CAV2: variants seen among roughly 807,000 people sequenced by gnomAD.
CAV2 encodes caveolin-2.
CAV2 carries 7 observed loss-of-function variants against 15.5 expected under a neutral mutation model. The observed-to-expected ratio is 0.45, with a 90% CI of 0.26 to 0.85. The LOEUF is 0.85. CAV2 is among the 40% of genes least tolerant of loss of function. The pLI, the probability that CAV2 is intolerant of heterozygous loss-of-function variation, is 0.18. For synonymous variants in CAV2, 76 were observed against 83.1 expected, an observed-to-expected ratio of 0.91 and a Z score of 0.46; for missense variants, 229 against 208.8, an observed-to-expected ratio of 1.10 and a Z score of -0.60.
chr7:116,503,056 G>A (rs1321153837), intron 2 of CAV2, among the ~76,000 whole-genome samples: 2 of 151,956 alleles, frequency 1.3e-5, no homozygotes, highest in East Asian at 3.8e-4. Context: ...AATGCAGTCT[G>A]CATGACTCTA....
chr7:116,502,889 A>G (rs1347782251), intron 2 of CAV2, among the ~76,000 whole-genome samples: 2 of 152,212 alleles, frequency 1.3e-5, no homozygotes, highest in Admixed American at 6.5e-5. Context: ...AGCACAGGTT[A>G]TTGGTCATAA....
At chr7:116,501,878 G>A (rs1194719814) in intron 2 of CAV2, among the ~76,000 whole-genome samples, 1 of 152,172 alleles carries the variant, frequency 6.6e-6, no homozygotes, top group African/African-American at 2.4e-5. Flanking sequence ...TGAAAATGTT[G>A]CCTTAGTACA....
chr7:116,507,698 AGAAAAAAG>A lies in CAV2; in HGVS notation c.*1578_*1585del, dbSNP rs1274815879. 2 of 136,996 alleles carry A rather than the reference AGAAAAAAG, an allele frequency of 1.5e-5. No individual in the cohort carries two copies. The highest frequency in any genetic ancestry group is 5.3e-5 in the African/African-American group (2 of 37,962). 8.5% of individuals were successfully genotyped at this position (136,996 alleles called of 1,614,324 possible). ...AAAAAAAAAAGAAAAAAAGAAAAAA[AGAAAAAAG>A]AAAAATCTCATTATTTCAAAATGAT... On this transcript the variant is annotated 3_prime_UTR_variant, in exon 3 of 3. Coordinates refer to ENST00000222693, the MANE Select transcript of CAV2 (RefSeq NM_001233.5).
Position 116,506,163 on chromosome 7 carries a change from T to C in CAV2, c.*42T>C, listed in dbSNP as rs1247728328. The C allele has an allele frequency of 6.3e-6, 10 of 1,597,062 alleles. No homozygotes were observed. The highest frequency in any genetic ancestry group is 8.6e-6 in the Non-Finnish European group (10 of 1,166,076). On this transcript the variant is annotated 3_prime_UTR_variant, in exon 3 of 3. Transcript: ENST00000222693. ...TCTGGAGATTGGGATACTGTAATAC[T>C]TCTTTGTTATTATAACATAAAAGCA...
In CAV2 at chr7:116,506,505, T is replaced by C. The variant is rs945278513; in HGVS notation, c.*384T>C. The C allele has an allele frequency of 6.0e-6, 1 of 165,418 alleles. No homozygotes were observed. Among genetic ancestry groups the C allele is most frequent in the African/African-American group, 2.4e-5 (1 of 41,824 alleles). The allele number at this position is 165,418 out of a possible 1,614,324, so 10.2% of individuals were successfully genotyped here. On this transcript the variant is annotated 3_prime_UTR_variant, in exon 3 of 3. Transcript: ENST00000222693. The stretch of plus-strand genomic sequence containing the variant: ...ATTAAAAATGAGATTTCTTATTTGT[T>C]TGTCTGTTTTTACTCTGGGAGTAAT...
intron 2 of CAV2, among the ~76,000 whole-genome samples, chr7:116,502,542 T>C (rs1391300059): frequency 6.6e-6 from 1 of 152,212 alleles, no homozygotes; most frequent in Non-Finnish European, 1.5e-5. Flanking sequence ...TAAGACCAGA[T>C]CAAGGACAGA....
At position 116,506,961 on chromosome 7, in the gene CAV2, C is replaced by A. The variant is rs878943660; in HGVS notation, c.*840C>A. ...CACAAAGCTTTCTTTTCTAACTTTT[C>A]CAAGCAAAATCTAAAATGTTTTATG... is the stretch of plus-strand genomic sequence containing the variant. On this transcript the variant is annotated 3_prime_UTR_variant, in exon 3 of 3. Coordinates refer to ENST00000222693, the MANE Select transcript of CAV2 (RefSeq NM_001233.5). 9 of 152,234 alleles carry A rather than the reference C, an allele frequency of 5.9e-5. No homozygotes were observed. The South Asian group carries it at 1.7e-3, about 28-fold the overall frequency. 9.4% of individuals were successfully genotyped at this position (152,234 alleles called of 1,614,324 possible).
chr7:116,504,134 G>A (rs1793178579), intron 2 of CAV2, among the ~76,000 whole-genome samples: 1 of 152,066 alleles, frequency 6.6e-6, no homozygotes, highest in Non-Finnish European at 1.5e-5. Context: ...CCTTTTAATA[G>A]GCCAATTTGA....
intron 2 of CAV2, among the ~76,000 whole-genome samples, chr7:116,503,459 A>T (rs942297222): frequency 6.6e-6 from 1 of 152,184 alleles, no homozygotes; most frequent in Non-Finnish European, 1.5e-5. Context: ...ACATGTGCTA[A>T]ATTCCCTTTT....
At chr7:116,503,566 C>T (rs1489244777) in intron 2 of CAV2, among the ~76,000 whole-genome samples, 2 of 151,732 alleles carry the variant, frequency 1.3e-5, no homozygotes, top group Non-Finnish European at 2.9e-5. Context: ...CAGTGGCTCT[C>T]GCCTGTAATC....
chr7:116,503,990 G>T (rs369739943), intron 2 of CAV2, among the ~76,000 whole-genome samples: 1 of 138,482 alleles, frequency 7.2e-6, no homozygotes, highest in Non-Finnish European at 1.6e-5. Flanking sequence ...AGAAAGAAAA[G>T]AAGAAAGAAA....
Position 116,506,104 on chromosome 7 carries a change from C to A in CAV2, c.472C>A (p.Gln158Lys). ...ACGATGCTTCTCTTCTGTCAGCCTG[C>A]AACTGAGCCAGGATTGAATACTTGG... ...VGRCFSSVSL[Q>K]LSQD is the part of the protein sequence containing the mutation. Residue 158 changes from glutamine (Q) to lysine (K), a missense_variant, in exon 3 of 3, where the codon CAA becomes AAA. Transcript: ENST00000222693. 1 of 1,614,072 alleles carries A rather than the reference C, an allele frequency of 6.2e-7. No individual in the cohort carries two copies. The highest frequency in any genetic ancestry group is 8.5e-7 in the Non-Finnish European group (1 of 1,179,970).
At chr7:116,503,966 A>T (rs1793169811) in intron 2 of CAV2, among the ~76,000 whole-genome samples, 1 of 151,098 alleles carries the variant, frequency 6.6e-6, no homozygotes, top group Non-Finnish European at 1.5e-5. Flanking sequence ...AGAAAAAGAG[A>T]AAGAAGGAAA....
At position 116,506,028 on chromosome 7, in the gene CAV2, A is replaced by G. The variant is rs1178892622; in HGVS notation, c.396A>G (p.Ile132Met). 36 of 1,613,744 alleles carry G rather than the reference A, an allele frequency of 2.2e-5. No individual in the cohort carries two copies. Among genetic ancestry groups the G allele is most frequent in the Non-Finnish European group, 2.7e-5 (32 of 1,179,750 alleles). The stretch of plus-strand genomic sequence containing the variant: ...TGGTTCTGCCTTCAGTGCAGACAAT[A>G]TGGAAGAGTGTGACAGATGTTATCA... ...CLMVLPSVQT[I>M]WKSVTDVIIA... The change falls in exon 3 of 3, where the codon ATA becomes ATG. Residue 132 changes from isoleucine to methionine, a missense_variant. By Grantham distance (10) the Ile-to-Met change is conservative (BLOSUM62 1). Coordinates refer to ENST00000222693, the MANE Select transcript of CAV2 (RefSeq NM_001233.5).
rs1290902445 is a variant in CAV2, at chr7:116,499,885, A to C, written c.104A>C (p.Asp35Ala). ...LEYADPEKFA[D>A]SDQDRDPHRL... Reference sequence around the variant, plus strand: ...TACGCCGACCCCGAGAAGTTCGCGGACTCGGACCAGGACCGGGATCCCCAC... The same window carrying C: ...TACGCCGACCCCGAGAAGTTCGCGGCCTCGGACCAGGACCGGGATCCCCAC... Residue 35 changes from aspartate to alanine, a missense_variant, in exon 1 of 3, where the codon GAC becomes GCC. By Grantham distance (126) the Asp-to-Ala change is moderately radical (BLOSUM62 -2). Transcript: ENST00000222693. 3.7e-6 allele frequency: 6 copies of C among 1,611,336 alleles called. No homozygotes were observed. The Middle Eastern group carries it at 5.0e-4, about 133-fold the overall frequency.
chr7:116,502,569 AC>A (rs1277197776), intron 2 of CAV2, among the ~76,000 whole-genome samples: 7 of 152,132 alleles, frequency 4.6e-5, no homozygotes, highest in African/African-American at 1.7e-4. Flanking sequence ...AGAATTGCAA[AC>A]CCATTTGGGC....
chr7:116,502,359 G>C (rs910748739), intron 2 of CAV2, among the ~76,000 whole-genome samples: 1 of 152,038 alleles, frequency 6.6e-6, no homozygotes, highest in Non-Finnish European at 1.5e-5. Context: ...TTTAACTTCA[G>C]CTTGTTTTTT....
rs572728413 is a variant in CAV2 at position 116,504,889 on chromosome 7, A to C, written c.339-1082A>C. ...CATCATTTGCAGGGTTCTTTCAACT[A>C]TACCATACAGCCCTTTTCAGTGTGT... On this transcript the variant is annotated intron_variant, in intron 2 of 2. Coordinates refer to ENST00000222693, the MANE Select transcript of CAV2 (RefSeq NM_001233.5). 1.1e-4 allele frequency among the ~76,000 whole-genome samples: 17 copies of C among 152,354 alleles called. No homozygotes were observed. In the East Asian group the frequency reaches 3.3e-3, roughly 29 times the overall value.
rs757291594 is a variant in CAV2, at chr7:116,500,450, G to A, written c.338+3G>A. 3.4e-5 allele frequency: 54 copies of A among 1,610,340 alleles called. No individual in the cohort carries two copies. The highest frequency in any genetic ancestry group is 4.6e-5 in the Non-Finnish European group (54 of 1,178,528). ...ACCCTCAGCTGTCTGCACATCTGGTGAGACGGGGCACACCGGGTGGACCGG... is the reference window on the plus strand; with the variant it reads ...ACCCTCAGCTGTCTGCACATCTGGTAAGACGGGGCACACCGGGTGGACCGG... On this transcript the variant is annotated splice_donor_region_variant and intron_variant, in intron 2 of 2. Coordinates refer to ENST00000222693, the MANE Select transcript of CAV2 (RefSeq NM_001233.5).
Sources: allele counts gnomAD v4.1 joint callset (sites outside exome capture counted in the v4.1 genomes callset), GRCh38; gene constraint gnomAD v4.1.1; transcripts MANE v1.5; gene names NCBI Gene and HGNC (gene_info 2026-07-23, HGNC 2026-07-21).